The following OXR1 variants were observed in gnomAD, a reference collection of about 807,000 sequenced individuals.
OXR1 encodes the protein oxidation resistance protein 1.
A neutral mutation model predicts 104.6 loss-of-function variants in OXR1; 41 were observed. The observed-to-expected ratio is 0.39, with a 90% confidence interval of 0.31 to 0.51. The LOEUF (loss-of-function observed/expected upper bound fraction) is 0.51. Ranked by LOEUF, OXR1 falls within the 20% of genes least tolerant of loss-of-function variation. The pLI, the probability that OXR1 is intolerant of heterozygous loss-of-function variation, is 0.77. For synonymous variants in OXR1, 348 were observed against 348.4 expected (o/e 1.00, Z 0.01); for missense variants, 955 against 1,031.9 (o/e 0.93, Z 1.02).
chr8:106,274,352 C>T (rs994831551), intron 1 of OXR1, among the ~76,000 whole-genome samples: 2 of 152,218 alleles, frequency 1.3e-5, no homozygotes, highest in Non-Finnish European at 2.9e-5. Flanking sequence ...TTGTCATTAG[C>T]ACAATGAAGC....
intron 6 of OXR1, among the ~76,000 whole-genome samples, chr8:106,687,327 C>T (rs553457618): frequency 4.4e-4 from 67 of 152,294 alleles, no homozygotes; most frequent in Admixed American, 4.4e-3. Context: ...CTCCCCCTTA[C>T]CTCTTTAGGG....
At chr8:106,666,072 C>A (rs1826289904) in intron 3 of OXR1, among the ~76,000 whole-genome samples, 1 of 152,106 alleles carries the variant, frequency 6.6e-6, no homozygotes, top group African/African-American at 2.4e-5. Context: ...CCCATTAAAT[C>A]TTTAATGTAG....
Position 106,641,942 on chromosome 8 carries a change from A to AT in OXR1, c.221-37268_221-37267insT, listed in dbSNP as rs565990604. Among the ~76,000 whole-genome samples, 236 of 105,474 alleles carry AT rather than the reference A, an allele frequency of 2.2e-3. 2 individuals are homozygous for AT. The highest frequency in any genetic ancestry group is 8.6e-3 in the African/African-American group (226 of 26,274). 69.2% of individuals were successfully genotyped at this position (105,474 alleles called of 152,430 possible). On this transcript the variant is annotated intron_variant, in intron 3 of 16. Coordinates refer to ENST00000517566, the MANE Select transcript of OXR1 (RefSeq NM_001198533.2). ...GAAAGAGTAAGTTTAATGCCTATTTAATTTTTTTTTTAAGAGATGGGGTCT... is the reference window on the plus strand; with the variant it reads ...GAAAGAGTAAGTTTAATGCCTATTTATATTTTTTTTTTAAGAGATGGGGTCT...
intron 11 of OXR1, among the ~76,000 whole-genome samples, chr8:106,733,098 C>T (rs891446962): frequency 6.6e-6 from 1 of 151,706 alleles, no homozygotes; most frequent in Non-Finnish European, 1.5e-5. Flanking sequence ...TGCTATGTTC[C>T]CTGGGCTGGT....
intron 1 of OXR1, among the ~76,000 whole-genome samples, chr8:106,333,311 G>A (rs1013228015): frequency 6.6e-6 from 1 of 151,992 alleles, no homozygotes; most frequent in Non-Finnish European, 1.5e-5. Context: ...TTAATTTGCA[G>A]TTGCCTAATT....
intron 2 of OXR1, among the ~76,000 whole-genome samples, chr8:106,425,156 A>G (rs1819063199): frequency 7.3e-6 from 1 of 136,462 alleles, no homozygotes; most frequent in African/African-American, 2.8e-5. Context: ...GTAAGAGTGC[A>G]GTGGCATGGT....
intron 2 of OXR1, among the ~76,000 whole-genome samples, chr8:106,394,645 A>C (rs980998455): frequency 6.6e-6 from 1 of 152,118 alleles, no homozygotes; most frequent in African/African-American, 2.4e-5. Flanking sequence ...GATGACTCTT[A>C]AATATATTTT....
rs192277483 is a variant in OXR1 at position 106,375,682 on chromosome 8, G to A, written c.23+16046G>A. ...AGGTGCTTTGCAATCACAAATGGCT[G>A]GACATTCATTAGTGCTTTCAGTCTG... On this transcript the variant is annotated intron_variant, in intron 2 of 16. Transcript: ENST00000517566. Among the ~76,000 whole-genome samples, 3 of 152,294 alleles carry A rather than the reference G, an allele frequency of 2.0e-5. No homozygotes were observed. In the East Asian group the frequency reaches 5.8e-4, roughly 29 times the overall value.
At chr8:106,344,473 G>T (rs150326499) in intron 1 of OXR1, among the ~76,000 whole-genome samples, 10,228 of 152,170 alleles carry the variant, frequency 0.067, 361 homozygotes, top group Non-Finnish European at 0.073. Context: ...AAGTAGCTGG[G>T]ACTACAGGCG....
At chr8:106,366,540 G>T (rs1270042375) in intron 2 of OXR1, among the ~76,000 whole-genome samples, 3 of 152,174 alleles carry the variant, frequency 2.0e-5, no homozygotes, top group Admixed American at 2.0e-4. Context: ...TTTTCTGTAA[G>T]TGTATAAAAT....
chr8:106,555,804 C>T (rs11780733), intron 3 of OXR1, among the ~76,000 whole-genome samples: 39,737 of 149,882 alleles, frequency 0.27, 6,495 homozygotes, highest in South Asian at 0.38. Flanking sequence ...TTAAAACGGC[C>T]CAAATATCCA....
At chr8:106,690,277 C>A (rs993877563) in intron 6 of OXR1, among the ~76,000 whole-genome samples, 3 of 150,762 alleles carry the variant, frequency 2.0e-5, no homozygotes, top group African/African-American at 7.3e-5. Flanking sequence ...GTAAATAACA[C>A]ATAAATCATA....
chr8:106,377,228 G>A (rs1316963759), intron 2 of OXR1, among the ~76,000 whole-genome samples: 2 of 151,972 alleles, frequency 1.3e-5, no homozygotes, highest in East Asian at 3.9e-4. Flanking sequence ...CTCTCGCTCA[G>A]GCTAGAGTAC....
intron 2 of OXR1, among the ~76,000 whole-genome samples, chr8:106,384,511 A>G (rs1336588669): frequency 6.6e-6 from 1 of 152,178 alleles, no homozygotes; most frequent in Non-Finnish European, 1.5e-5. Context: ...GAGTATAAGG[A>G]TACAGAACTA....
intron 3 of OXR1, among the ~76,000 whole-genome samples, chr8:106,558,242 T>C (rs957732749): frequency 6.6e-6 from 1 of 152,204 alleles, no homozygotes; most frequent in African/African-American, 2.4e-5. Context: ...TAAAAGCACA[T>C]AGCCTTTTCG....
chr8:106,554,008 T>A (rs1280356823), intron 3 of OXR1, among the ~76,000 whole-genome samples: 1 of 152,092 alleles, frequency 6.6e-6, no homozygotes, highest in South Asian at 2.1e-4. Context: ...TATCCTGGAA[T>A]TTTTTTTCTC....
chr8:106,689,325 T>A (rs998335232), intron 6 of OXR1, among the ~76,000 whole-genome samples: 3 of 152,110 alleles, frequency 2.0e-5, no homozygotes, highest in African/African-American at 7.2e-5. Flanking sequence ...TGTCTTCACA[T>A]GGTGGTCTCT....
intron 2 of OXR1, among the ~76,000 whole-genome samples, chr8:106,501,174 C>A (rs1337021966): frequency 6.6e-6 from 1 of 152,140 alleles, no homozygotes; most frequent in Non-Finnish European, 1.5e-5. Flanking sequence ...CTCTGTTGCT[C>A]AGGCAGTGAC....
At chr8:106,382,742 A>G (rs1366664908) in intron 2 of OXR1, among the ~76,000 whole-genome samples, 2 of 129,050 alleles carry the variant, frequency 1.5e-5, no homozygotes, top group Admixed American at 9.5e-5. Context: ...ACAGGGGGCT[A>G]TATACTAGGC....
Sources: gnomAD v4.1 joint callset for allele counts (sites outside exome capture counted in the v4.1 genomes callset) on GRCh38, gnomAD v4.1.1 for gene constraint, MANE v1.5 for transcripts, NCBI Gene and HGNC (gene_info 2026-07-23, HGNC 2026-07-21) for gene names.